ANKMY1: variants seen among roughly 807,000 people sequenced by gnomAD.
ANKMY1 encodes ankyrin repeat and MYND domain-containing protein 1.
In ANKMY1, 98 loss-of-function variants were observed where a neutral mutation model predicts 102.0. The ratio of observed to expected loss-of-function variants is 0.96; its 90% confidence interval spans 0.82 to 1.14. ANKMY1 has a LOEUF of 1.14. ANKMY1 is among the 50% of genes most tolerant of loss of function. The pLI, the probability that ANKMY1 is intolerant of heterozygous loss-of-function variation, is 0.00. For synonymous variants in ANKMY1, 582 were observed against 559.9 expected (o/e 1.04, Z -0.56); for missense variants, 1,330 against 1,347.6 (o/e 0.99, Z 0.20).
intron 15 of ANKMY1, among the ~76,000 whole-genome samples, chr2:240,495,739 G>A (rs2077173907): frequency 6.6e-6 from 1 of 152,080 alleles, no homozygotes; most frequent in South Asian, 2.1e-4. Flanking sequence ...TTATCTTTTT[G>A]TCTTGTGTCT....
chr2:240,543,106 T>C (rs2089418382), intron 4 of ANKMY1, among the ~76,000 whole-genome samples: 1 of 151,848 alleles, frequency 6.6e-6, no homozygotes, highest in Non-Finnish European at 1.5e-5. Flanking sequence ...TCCCAGCAAT[T>C]TGGGAGGCCA....
intron 4 of ANKMY1, among the ~76,000 whole-genome samples, chr2:240,540,276 T>C (rs1447247342): frequency 6.6e-6 from 1 of 152,204 alleles, no homozygotes; most frequent in Non-Finnish European, 1.5e-5. Flanking sequence ...CTTAAACACA[T>C]AAGACTGATC....
Position 240,506,340 on chromosome 2 carries a change from G to T in ANKMY1, c.2526+1220C>A, listed in dbSNP as rs913685249. Among the ~76,000 whole-genome samples the T allele has an allele frequency of 2.6e-5, 4 of 152,114 alleles. No homozygotes were observed. Among genetic ancestry groups the T allele is most frequent in the African/African-American group, 4.8e-5 (2 of 41,426 alleles). Reference sequence around the variant, plus strand: ...CCTATGAAGCTCCGAAAGAACATTAGGGGGCCCCTCCCAGCCCCCAGGTCC... The same window carrying T: ...CCTATGAAGCTCCGAAAGAACATTATGGGGCCCCTCCCAGCCCCCAGGTCC... On this transcript the variant is annotated intron_variant, in intron 13 of 17. Coordinates refer to ENST00000401804, the MANE Select transcript of ANKMY1 (RefSeq NM_001282771.3). This position sits in a 1 kb window ranked among gnomAD's most constrained non-coding sequence, Gnocchi z 4.9.
At chr2:240,503,897 G>A (rs915703658) in intron 13 of ANKMY1, among the ~76,000 whole-genome samples, 10 of 152,204 alleles carry the variant, frequency 6.6e-5, no homozygotes, top group African/African-American at 1.7e-4. Flanking sequence ...ACTTTTGGCT[G>A]CAGAGACAGA....
Position 240,526,075 on chromosome 2 carries a change from G to A in ANKMY1, c.1170+154C>T, listed in dbSNP as rs529402504. On this transcript the variant is annotated intron_variant, in intron 6 of 17. Transcript: ENST00000401804. ...ACGAGTGTCACACTCAGCTGAGTGG[G>A]TTTCTGCTGAACGGCGAGGTGGAGG... 2.9e-6 allele frequency: 3 copies of A among 1,044,628 alleles called. No homozygotes were observed. In the South Asian group the frequency reaches 4.5e-5, roughly 16 times the overall value. The allele number at this position is 1,044,628 out of a possible 1,614,324, so 64.7% of individuals were successfully genotyped here. A position where few individuals can be genotyped will look rare whatever the true frequency, so the allele number is the denominator to read the frequency against.
At chr2:240,560,254 G>A (rs2092834158), upstream of ANKMY1, 1 of 159,334 alleles carries the variant, frequency 6.3e-6, no homozygotes. Flanking sequence ...TAGCCACGGG[G>A]CCCTAGCCGA....
rs1166689369 is a variant in ANKMY1 at position 240,524,387 on chromosome 2, G to A, written c.1336-6C>T. The stretch of plus-strand genomic sequence containing the variant: ...ACTGGGAATTTTGGAGGTTCCTTTG[G>A]AAAGAACCAAAAAAGTGTCATTAGA... On this transcript the variant is annotated splice_polypyrimidine_tract_variant and splice_region_variant and intron_variant, in intron 7 of 17. Coordinates refer to ENST00000401804, the MANE Select transcript of ANKMY1 (RefSeq NM_001282771.3). 1.4e-5 allele frequency: 22 copies of A among 1,579,826 alleles called. No individual in the cohort carries two copies. The Admixed American group carries it at 2.4e-4, about 17-fold the overall frequency.
intron 10 of ANKMY1, 55 bp from the exon 11 acceptor site, chr2:240,512,056 G>C (rs2080301983): frequency 1.4e-6 from 2 of 1,480,972 alleles, no homozygotes; most frequent in African/African-American, 3.0e-5. Flanking sequence ...GTGCCCACGG[G>C]AAGGCAAACG....
chr2:240,489,598 G>A (rs4319927), intron 15 of ANKMY1, among the ~76,000 whole-genome samples: 10,968 of 152,150 alleles, frequency 0.072, 484 homozygotes, highest in South Asian at 0.15. Flanking sequence ...TGCATATGTT[G>A]AACTATCCTT....
chr2:240,473,542 G>A, the ANKMY1 span, among the ~76,000 whole-genome samples: 3 of 149,080 alleles, frequency 2.0e-5, no homozygotes, highest in East Asian at 1.9e-4. Context: ...CGGGACCTAC[G>A]GAGACCAACA....
chr2:240,513,584 C>T (rs185578429), intron 9 of ANKMY1, among the ~76,000 whole-genome samples: 5 of 152,368 alleles, frequency 3.3e-5, no homozygotes, highest in African/African-American at 1.2e-4. Context: ...GAGGGGGAGA[C>T]AGGTGAGCCT....
chr2:240,511,798 C>A (rs1047043230), intron 11 of ANKMY1, 63 bp downstream of exon 11: 6 of 1,507,936 alleles, frequency 4.0e-6, no homozygotes, highest in East Asian at 2.5e-5. Flanking sequence ...GGGCACAAGG[C>A]CCTGGAAGGT....
chr2:240,516,173 G>A (rs568739500), intron 9 of ANKMY1, among the ~76,000 whole-genome samples: 3 of 140,790 alleles, frequency 2.1e-5, no homozygotes, highest in Non-Finnish European at 4.6e-5. Flanking sequence ...TGAAATATTT[G>A]AATTATTTTG....
chr2:240,524,732 C>T (rs1406976657), intron 7 of ANKMY1, among the ~76,000 whole-genome samples: 2 of 152,220 alleles, frequency 1.3e-5, no homozygotes, highest in Non-Finnish European at 2.9e-5. Context: ...GATCACACAC[C>T]AAAATGATAG....
chr2:240,523,857 A>G (rs746881671), intron 8 of ANKMY1, 28 bp downstream of exon 8: 11 of 1,600,674 alleles, frequency 6.9e-6, no homozygotes, highest in Non-Finnish European at 9.4e-6. Context: ...GTGGCCCTCC[A>G]CCCCCACCAG....
intron 15 of ANKMY1, among the ~76,000 whole-genome samples, chr2:240,491,385 T>C (rs1370412232): frequency 6.6e-6 from 1 of 152,208 alleles, no homozygotes; most frequent in Non-Finnish European, 1.5e-5. Flanking sequence ...CGTCATGTTG[T>C]TTTCTCATTG....
chr2:240,514,718 C>T (rs2080875883), intron 9 of ANKMY1, among the ~76,000 whole-genome samples: 1 of 152,230 alleles, frequency 6.6e-6, no homozygotes, highest in Non-Finnish European at 1.5e-5. Context: ...AGCAAAGAAA[C>T]CCCTGGACTA....
At chr2:240,500,889 C>G (rs1330767315) in intron 13 of ANKMY1, among the ~76,000 whole-genome samples, 1 of 152,242 alleles carries the variant, frequency 6.6e-6, no homozygotes, top group Non-Finnish European at 1.5e-5. Flanking sequence ...GTCCTGCTCC[C>G]CTCAGGCTGT....
chr2:240,520,154 C>A lies in ANKMY1; in HGVS notation c.2004+208G>T. ...GATCGTGAAGTACTCTAAAAACTAG[C>A]TCGGTGTCCAAATCCTGTCTGGGGA... On this transcript the variant is annotated intron_variant, in intron 9 of 17. Transcript: ENST00000401804. The surrounding 1 kb of genome is among the most constrained non-coding windows in gnomAD (Gnocchi z 4.8). 1.2e-6 allele frequency: 1 copy of A among 817,984 alleles called. No individual in the cohort carries two copies. The highest frequency in any genetic ancestry group is 2.1e-6 in the Non-Finnish European group (1 of 478,998). The allele number at this position is 817,984 out of a possible 1,614,324, so 50.7% of individuals were successfully genotyped here.
Sources: gnomAD v4.1 joint callset for allele counts (sites outside exome capture counted in the v4.1 genomes callset) on GRCh38, gnomAD v4.1.1 for gene constraint, Gnocchi (gnomAD v3.1) non-coding constraint, MANE v1.5 for transcripts, NCBI Gene and HGNC (gene_info 2026-07-23, HGNC 2026-07-21) for gene names.